Variants in SFMBT2 observed in about 807,000 individuals in gnomAD.
The protein encoded by SFMBT2 is scm-like with four MBT domains protein 2.
In SFMBT2, 38 loss-of-function variants were observed where a neutral mutation model predicts 110.1. The ratio of observed to expected loss-of-function variants is 0.35; its 90% confidence interval spans 0.27 to 0.45. The LOEUF (loss-of-function observed/expected upper bound fraction) is 0.45. Ranked by LOEUF, SFMBT2 falls within the 20% of genes least tolerant of loss-of-function variation. SFMBT2 has a pLI of 1.00. For missense variants in SFMBT2, 1,011 were observed against 1,094.9 expected (o/e 0.92, Z 1.08); for synonymous variants, 425 against 425.4 (o/e 1.00, Z 0.01).
At chr10:7,196,168 C>G (rs989037883) in intron 15 of SFMBT2, among the ~76,000 whole-genome samples, 4 of 151,858 alleles carry the variant, frequency 2.6e-5, no homozygotes, top group South Asian at 4.2e-4. Context: ...TCCATAGATT[C>G]AAGTCCAAAT....
intron 4 of SFMBT2, among the ~76,000 whole-genome samples, chr10:7,297,543 G>T (rs759320332): frequency 6.6e-6 from 1 of 152,140 alleles, no homozygotes; most frequent in Non-Finnish European, 1.5e-5. Context: ...GCGAATGGGA[G>T]GGGGAGGAGA....
chr10:7,400,498 C>A (rs1298325259), intron 1 of SFMBT2, among the ~76,000 whole-genome samples: 1 of 152,124 alleles, frequency 6.6e-6, no homozygotes. Flanking sequence ...GAAAAAAACG[C>A]CAAATTACTC....
At position 7,172,199 on chromosome 10, in the gene SFMBT2, G is replaced by A. The variant is rs748699808; in HGVS notation, c.2152-41C>T. 5 of 1,516,374 alleles carry A rather than the reference G, an allele frequency of 3.3e-6. No homozygotes were observed. Among genetic ancestry groups the A allele is most frequent in the Admixed American group, 2.2e-5 (1 of 45,552 alleles). The allele number at this position is 1,516,374 out of a possible 1,614,324, so 93.9% of individuals were successfully genotyped here. On this transcript the variant is annotated intron_variant, in intron 18 of 20. Transcript: ENST00000397167. This position sits in a 1 kb window ranked among gnomAD's most constrained non-coding sequence, Gnocchi z 4.6. Reference sequence around the variant, plus strand: ...AGGCATTTAAGGGGCTGGTGGCCCGGGGGCCTGTAGCGGTGGCCCCGCGGT... The same window carrying A: ...AGGCATTTAAGGGGCTGGTGGCCCGAGGGCCTGTAGCGGTGGCCCCGCGGT...
chr10:7,348,081 C>T (rs976922968), intron 4 of SFMBT2: 2 of 409,266 alleles, frequency 4.9e-6, no homozygotes, highest in African/African-American at 4.1e-5. Flanking sequence ...GTACACCCGG[C>T]ATATAAATCA....
chr10:7,228,685 T>G (rs1453688770), intron 9 of SFMBT2, among the ~76,000 whole-genome samples: 58 of 98,772 alleles, frequency 5.9e-4, no homozygotes, highest in Admixed American at 1.0e-3. Context: ...CTTTCTTTCT[T>G]TCTTTCTTTC....
chr10:7,252,551 T>C (rs1052224609), intron 7 of SFMBT2, among the ~76,000 whole-genome samples: 2 of 152,278 alleles, frequency 1.3e-5, no homozygotes, highest in Middle Eastern at 3.4e-3. Flanking sequence ...TGCTCATCTA[T>C]AACAATGAAC....
At chr10:7,271,175 C>A (rs1188922940) in intron 7 of SFMBT2, among the ~76,000 whole-genome samples, 3 of 150,888 alleles carry the variant, frequency 2.0e-5, no homozygotes, top group Non-Finnish European at 4.4e-5. Context: ...GTAATCCCAG[C>A]TACTTGAGAG....
intron 10 of SFMBT2, among the ~76,000 whole-genome samples, chr10:7,221,243 A>G (rs1225501728): frequency 6.6e-6 from 1 of 152,038 alleles, no homozygotes; most frequent in Non-Finnish European, 1.5e-5. Flanking sequence ...TTTCCTTTAC[A>G]GGAAATGGGA....
At chr10:7,182,703 A>G (rs1838280585) in intron 16 of SFMBT2, among the ~76,000 whole-genome samples, 1 of 104,598 alleles carries the variant, frequency 9.6e-6, no homozygotes, top group Non-Finnish European at 1.8e-5. Context: ...AACATCACAC[A>G]CTGGGGCCTG....
chr10:7,405,039 C>T (rs1376176371), intron 1 of SFMBT2, among the ~76,000 whole-genome samples: 3 of 152,146 alleles, frequency 2.0e-5, no homozygotes, highest in Non-Finnish European at 4.4e-5. Context: ...TTGTTTTAGC[C>T]AACGAGAGTA....
At chr10:7,304,915 T>C (rs1345130838) in intron 4 of SFMBT2, among the ~76,000 whole-genome samples, 2 of 152,142 alleles carry the variant, frequency 1.3e-5, no homozygotes, top group Non-Finnish European at 2.9e-5. Context: ...AACAGGACAG[T>C]TGCACCCCTG....
At chr10:7,271,478 T>C (rs934907166) in intron 7 of SFMBT2, among the ~76,000 whole-genome samples, 1 of 151,982 alleles carries the variant, frequency 6.6e-6, no homozygotes, top group African/African-American at 2.4e-5. Context: ...AGGCCGGTAT[T>C]ATACAAGGAG....
rs1837603934 is a variant in SFMBT2 at position 7,163,419 on chromosome 10, CTT to C, written c.*349_*350del. 4.8e-6 allele frequency: 1 copy of C among 208,090 alleles called. No homozygotes were observed. The allele number at this position is 208,090 out of a possible 1,614,324, so 12.9% of individuals were successfully genotyped here. A position where few individuals can be genotyped will look rare whatever the true frequency, so the allele number is the denominator to read the frequency against. On this transcript the variant is annotated 3_prime_UTR_variant, in exon 21 of 21. Transcript: ENST00000397167. This position sits in a 1 kb window ranked among gnomAD's most constrained non-coding sequence, Gnocchi z 4.8. ...GTGAGGTTTCTTCCTTGGCGACATT[CTT>C]TGTTTTCAAAGAATGCAGTCCTCAT...
chr10:7,214,468 A>C (rs949044724), intron 11 of SFMBT2: 1 of 738,060 alleles, frequency 1.4e-6, no homozygotes. Context: ...ACAATTGCAG[A>C]GTGACGCATT....
At chr10:7,333,478 G>A (rs1445074258) in intron 4 of SFMBT2, among the ~76,000 whole-genome samples, 1 of 149,664 alleles carries the variant, frequency 6.7e-6, no homozygotes, top group African/African-American at 2.5e-5. Context: ...CTACCACCTC[G>A]AATTCCTAGA....
At chr10:7,238,398 C>A (rs537071747) in intron 9 of SFMBT2, among the ~76,000 whole-genome samples, 3 of 152,162 alleles carry the variant, frequency 2.0e-5, no homozygotes, top group Non-Finnish European at 4.4e-5. Context: ...ACGAATCAAA[C>A]AAGGCAGAAT....
chr10:7,313,662 G>A (rs1202205970), intron 4 of SFMBT2, among the ~76,000 whole-genome samples: 1 of 152,044 alleles, frequency 6.6e-6, no homozygotes, highest in East Asian at 1.9e-4. Flanking sequence ...GTTTTGTTTT[G>A]TTTAGAGATG....
At chr10:7,304,309 G>A (rs1199507062) in intron 4 of SFMBT2, among the ~76,000 whole-genome samples, 4 of 152,088 alleles carry the variant, frequency 2.6e-5, no homozygotes, top group East Asian at 1.9e-4. Flanking sequence ...TCTCTTGCCC[G>A]TCACCATACA....
chr10:7,177,457 G>A (rs1588768823), intron 16 of SFMBT2, among the ~76,000 whole-genome samples: 1 of 152,096 alleles, frequency 6.6e-6, no homozygotes, highest in Non-Finnish European at 1.5e-5. Context: ...TTCATAGGTT[G>A]AAGCCATAAC....
Sources: allele counts gnomAD v4.1 joint callset (sites outside exome capture counted in the v4.1 genomes callset), GRCh38; gene constraint gnomAD v4.1.1; non-coding constraint Gnocchi (gnomAD v3.1); transcripts MANE v1.5; gene names NCBI Gene and HGNC (gene_info 2026-07-23, HGNC 2026-07-21).